The following LZTFL1 variants were observed in gnomAD, a reference collection of about 807,000 sequenced individuals.
LZTFL1 encodes leucine zipper transcription factor like 1, also known as leucine zipper transcription factor-like protein 1.
LZTFL1 carries 25 observed loss-of-function variants against 45.9 expected under a neutral mutation model. The observed-to-expected ratio is 0.54, with a 90% CI of 0.40 to 0.76. The LOEUF is 0.76. LZTFL1 is among the 30% of genes least tolerant of loss of function. The pLI is 0.00. For synonymous variants in LZTFL1, 93 were observed against 117.4 expected, an observed-to-expected ratio of 0.79 and a Z score of 1.35; for missense variants, 277 against 331.1, an observed-to-expected ratio of 0.84 and a Z score of 1.27.
chr3:45,887,025 T>C (rs530081556), intron 2 of LZTFL1, among the ~76,000 whole-genome samples: 2 of 152,280 alleles, frequency 1.3e-5, no homozygotes, highest in Admixed American at 1.3e-4. Flanking sequence ...AAGGATTCTT[T>C]GTAGCAGTGA....
At chr3:45,889,260 C>T (rs1467736141) in intron 2 of LZTFL1, among the ~76,000 whole-genome samples, 1 of 152,088 alleles carries the variant, frequency 6.6e-6, no homozygotes, top group Non-Finnish European at 1.5e-5. Flanking sequence ...GTTGGAATTA[C>T]AGGCATGAGC....
chr3:45,869,125 C>T (rs1290706607), intron 2 of LZTFL1, among the ~76,000 whole-genome samples: 2 of 152,172 alleles, frequency 1.3e-5, no homozygotes, highest in Non-Finnish European at 2.9e-5. Flanking sequence ...AAAGACAGTG[C>T]ATGTGCATGG....
chr3:45,833,395 G>C (rs962738119), intron 4 of LZTFL1, among the ~76,000 whole-genome samples: 26 of 152,190 alleles, frequency 1.7e-4, no homozygotes, highest in African/African-American at 6.0e-4. Flanking sequence ...AGGAAAATGA[G>C]GGAAGAAAGG....
At chr3:45,897,811 G>A (rs927038728) in intron 2 of LZTFL1, among the ~76,000 whole-genome samples, 1 of 151,788 alleles carries the variant, frequency 6.6e-6, no homozygotes, top group African/African-American at 2.4e-5. Context: ...AATCCATGCT[G>A]CTCCTCGCTA....
chr3:45,835,758 T>C lies in LZTFL1; in HGVS notation c.155A>G (p.Asp52Gly). 1 of 1,613,508 alleles carries C rather than the reference T, an allele frequency of 6.2e-7. No individual in the cohort carries two copies. The highest frequency in any genetic ancestry group is 8.5e-7 in the Non-Finnish European group (1 of 1,179,608). ...TCCATTGAGGACTTCAGAGACTTCA[T>C]CTATGGTGAAGGTGTCCTCCACCAG... ...SRLVEDTFTIDEVSEVLNGLQ... is the reference protein window; with the variant it reads ...SRLVEDTFTIGEVSEVLNGLQ... Residue 52 changes from aspartate to glycine, a missense_variant, in exon 3 of 10, where the codon GAT becomes GGT. Asp to Gly is a moderately conservative substitution (Grantham distance 94). Transcript: ENST00000296135.
chr3:45,841,079 A>G (rs1254797936), intron 1 of LZTFL1, among the ~76,000 whole-genome samples: 2 of 152,210 alleles, frequency 1.3e-5, no homozygotes, highest in African/African-American at 4.8e-5. Context: ...TTTGTTTTCA[A>G]CGTGTTCTCC....
upstream of LZTFL1, among the ~76,000 whole-genome samples, chr3:45,842,406 T>A (rs1701144870): frequency 6.6e-6 from 1 of 152,228 alleles, no homozygotes; most frequent in Non-Finnish European, 1.5e-5. Flanking sequence ...CAGAACTTCC[T>A]GTGGCATAGG....
At chr3:45,890,278 A>ATATT in intron 2 of LZTFL1, among the ~76,000 whole-genome samples, 1 of 60,872 alleles carries the variant, frequency 1.6e-5, no homozygotes, top group Non-Finnish European at 3.0e-5. Flanking sequence ...TAACATATAT[A>ATATT]TATATTTATA....
chr3:45,828,884 G>T lies in LZTFL1; in HGVS notation c.601-269C>A, dbSNP rs568603304. ...ATACATAAAATATGATTTGTGAACT[G>T]CTGGTATTTCCATCCAAGATGTGTG... On this transcript the variant is annotated intron_variant, in intron 7 of 9. Coordinates refer to ENST00000296135, the MANE Select transcript of LZTFL1 (RefSeq NM_020347.4). Among the ~76,000 whole-genome samples, 9 of 152,240 alleles carry T rather than the reference G, an allele frequency of 5.9e-5. 1 individual carries two copies. The East Asian group carries it at 1.7e-3, about 29-fold the overall frequency.
In LZTFL1 at chr3:45,833,131, A is replaced by G; in HGVS notation, c.385-10T>C. On this transcript the variant is annotated splice_polypyrimidine_tract_variant and intron_variant, in intron 4 of 9. Transcript: ENST00000296135. The stretch of plus-strand genomic sequence containing the variant: ...TGACATCTAAGATGGGCTGAAACAA[A>G]ATAAAGAAACCAAACTGAAATCACC... 1 of 1,606,248 alleles carries G rather than the reference A, an allele frequency of 6.2e-7. No homozygotes were observed.
intron 1 of LZTFL1, among the ~76,000 whole-genome samples, chr3:45,914,718 G>A (rs1291446431): frequency 1.3e-5 from 2 of 152,180 alleles, no homozygotes; most frequent in African/African-American, 4.8e-5. Flanking sequence ...TGAGTCTTGG[G>A]CTTTTCCTGA....
intron 2 of LZTFL1, among the ~76,000 whole-genome samples, chr3:45,898,424 A>C (rs747445191): frequency 1.6e-4 from 24 of 152,254 alleles, no homozygotes; most frequent in Non-Finnish European, 3.2e-4. Flanking sequence ...GTGTAAACTG[A>C]AATGGATTAA....
In LZTFL1 at chr3:45,900,047, T is replaced by C. The variant is rs1203294001; in HGVS notation, c.-215+13073A>G. Among the ~76,000 whole-genome samples the C allele has an allele frequency of 6.6e-6, 1 of 152,220 alleles. No homozygotes were observed. The highest frequency in any genetic ancestry group is 1.5e-5 in the Non-Finnish European group (1 of 68,044). On this transcript the variant is annotated intron_variant, in intron 2 of 4. Coordinates refer to the LZTFL1 transcript ENST00000472635. The surrounding 1 kb of genome is among the most constrained non-coding windows in gnomAD (Gnocchi z 4.7). Reference sequence around the variant, plus strand: ...TGTGCAAGTGCATGTATTATGTGTATGCATGTACATATGAGTGTGTGTGCT... The same window carrying C: ...TGTGCAAGTGCATGTATTATGTGTACGCATGTACATATGAGTGTGTGTGCT...
Position 45,824,767 on chromosome 3 carries a change from T to C in LZTFL1, c.*1547A>G, listed in dbSNP as rs539798858. The C allele has an allele frequency of 4.0e-5, 16 of 398,082 alleles. No individual in the cohort carries two copies. Among genetic ancestry groups the C allele is most frequent in the Non-Finnish European group, 5.8e-5 (13 of 225,786 alleles). The allele number at this position is 398,082 out of a possible 1,614,324, so 24.7% of individuals were successfully genotyped here. A position where few individuals can be genotyped will look rare whatever the true frequency, so the allele number is the denominator to read the frequency against. On this transcript the variant is annotated 3_prime_UTR_variant, in exon 10 of 10. Coordinates refer to ENST00000296135, the MANE Select transcript of LZTFL1 (RefSeq NM_020347.4). ...ACATCTTGGTCCACAGACAATGGAATGGATTTTTGGAGAGAGTGTCAATTT... is the reference window on the plus strand; with the variant it reads ...ACATCTTGGTCCACAGACAATGGAACGGATTTTTGGAGAGAGTGTCAATTT...
At chr3:45,889,185 C>T (rs1702070532) in intron 2 of LZTFL1, among the ~76,000 whole-genome samples, 1 of 152,216 alleles carries the variant, frequency 6.6e-6, no homozygotes, top group Middle Eastern at 3.4e-3. Context: ...GGGTCTTGCT[C>T]TGTTGCCCAG....
chr3:45,895,106 T>C, intron 2 of LZTFL1: 1 of 820,828 alleles, frequency 1.2e-6, no homozygotes, highest in Non-Finnish European at 2.1e-6. Context: ...GCTGGGTAGG[T>C]TGTTGTCCAG....
intron 7 of LZTFL1, among the ~76,000 whole-genome samples, chr3:45,830,309 C>T (rs1296899663): frequency 6.6e-6 from 1 of 152,210 alleles, no homozygotes; most frequent in African/African-American, 2.4e-5. Flanking sequence ...CCACAGGAGA[C>T]AGACTGTACA....
chr3:45,885,647 G>A (rs1424509060), intron 2 of LZTFL1, among the ~76,000 whole-genome samples: 1 of 152,190 alleles, frequency 6.6e-6, no homozygotes, highest in Non-Finnish European at 1.5e-5. Flanking sequence ...TTGTCCATTG[G>A]GATAGCCACT....
chr3:45,826,361 C>T (rs754376740), intron 9 of LZTFL1, 29 bp from the exon 10 acceptor site: 26 of 1,588,064 alleles, frequency 1.6e-5, no homozygotes, highest in Non-Finnish European at 2.2e-5. Flanking sequence ...AACACAATGT[C>T]AGGATACCTT....
Sources: gnomAD v4.1 joint callset for allele counts (sites outside exome capture counted in the v4.1 genomes callset) on GRCh38, gnomAD v4.1.1 for gene constraint, Gnocchi (gnomAD v3.1) non-coding constraint, MANE v1.5 for transcripts, NCBI Gene and HGNC (gene_info 2026-07-23, HGNC 2026-07-21) for gene names.